The following IGSF21 variants were observed in gnomAD, a reference collection of about 807,000 sequenced individuals.
IGSF21 encodes immunoglobulin superfamily member 21.
A neutral mutation model predicts 46.8 loss-of-function variants in IGSF21; 28 were observed. That is an observed-to-expected ratio of 0.60 (90% CI 0.44 to 0.82). The LOEUF (loss-of-function observed/expected upper bound fraction) is 0.82, where lower values mean the gene tolerates loss of function less well. Ranked by LOEUF, IGSF21 falls within the 40% of genes least tolerant of loss-of-function variation. The pLI is 0.00. For missense variants in IGSF21, 624 were observed against 665.5 expected, an observed-to-expected ratio of 0.94 and a Z score of 0.69; for synonymous variants, 284 against 273.6, an observed-to-expected ratio of 1.04 and a Z score of -0.38.
intron 1 of IGSF21, among the ~76,000 whole-genome samples, chr1:18,209,162 A>G (rs970062124): frequency 9.9e-5 from 15 of 152,222 alleles, no homozygotes; most frequent in African/African-American, 3.1e-4. Context: ...TTATACCTAC[A>G]AAAAGGAATA....
At chr1:18,364,891 G>A (rs902370832) in intron 5 of IGSF21, among the ~76,000 whole-genome samples, 1 of 152,106 alleles carries the variant, frequency 6.6e-6, no homozygotes, top group Non-Finnish European at 1.5e-5. Context: ...TTTCCCATGT[G>A]GTTCCACTGA....
At chr1:18,271,992 G>A (rs964765676) in intron 2 of IGSF21, among the ~76,000 whole-genome samples, 10 of 151,712 alleles carry the variant, frequency 6.6e-5, no homozygotes, top group African/African-American at 1.5e-4. Flanking sequence ...TCATGCTGCC[G>A]ATAAAGACAT....
chr1:18,316,949 C>CA (rs1285559554), intron 3 of IGSF21, among the ~76,000 whole-genome samples: 3 of 152,134 alleles, frequency 2.0e-5, no homozygotes, highest in African/African-American at 7.2e-5. Flanking sequence ...TGCAAGTAGA[C>CA]AGAGTGGCTC....
chr1:18,328,552 C>T (rs575661823), intron 3 of IGSF21, among the ~76,000 whole-genome samples: 16 of 152,258 alleles, frequency 1.1e-4, no homozygotes, highest in South Asian at 1.0e-3. Context: ...ACACCACAAG[C>T]GGTGCATGGT....
intron 2 of IGSF21, among the ~76,000 whole-genome samples, chr1:18,233,722 T>C (rs111705730): frequency 7.9e-5 from 12 of 152,214 alleles, no homozygotes; most frequent in Non-Finnish European, 1.6e-4. Flanking sequence ...CACGGTTAGA[T>C]TCCTTGAATT....
In IGSF21 at chr1:18,227,983, G is replaced by T. The variant is rs747570981; in HGVS notation, c.156G>T (p.Gly52=). 1.9e-6 allele frequency: 3 copies of T among 1,613,962 alleles called. No individual in the cohort carries two copies. Among genetic ancestry groups the T allele is most frequent in the South Asian group, 1.1e-5 (1 of 91,076 alleles). ...TGAAGTGTAACTTCAAGACAGATGG[G>T]CGCATGCGGGAGATCGTGTGGTACC... ...VTLKCNFKTD[G]RMREIVWYRV... Residue 52 remains glycine (G), a synonymous_variant, in exon 2 of 10, where the codon GGG becomes GGT. Coordinates refer to ENST00000251296, the MANE Select transcript of IGSF21 (RefSeq NM_032880.5).
At chr1:18,200,664 C>T (rs1012874136) in intron 1 of IGSF21, among the ~76,000 whole-genome samples, 2 of 152,194 alleles carry the variant, frequency 1.3e-5, no homozygotes, top group Non-Finnish European at 2.9e-5. Context: ...ATTATGTCTG[C>T]AAAGACCCTA....
At chr1:18,244,807 A>AAATAAT (rs879434282) in intron 2 of IGSF21, among the ~76,000 whole-genome samples, 3 of 152,014 alleles carry the variant, frequency 2.0e-5, no homozygotes, top group Non-Finnish European at 4.4e-5. Context: ...TATTATCTGC[A>AAATAAT]AATAATAATA....
Position 18,301,013 on chromosome 1 carries a change from A to G in IGSF21, c.305+9026A>G, listed in dbSNP as rs137898446. ...GCCTCCGTAAAGATTTGTCGAATCA[A>G]TGGGCTGAAGGGTTGTATTCCAATG... On this transcript the variant is annotated intron_variant, in intron 3 of 9. Coordinates refer to ENST00000251296, the MANE Select transcript of IGSF21 (RefSeq NM_032880.5). Among the ~76,000 whole-genome samples, 584 of 152,354 alleles carry G rather than the reference A, an allele frequency of 3.8e-3. 2 individuals carry two copies. The highest frequency in any genetic ancestry group is 6.1e-3 in the Non-Finnish European group (418 of 68,028).
At chr1:18,367,603 C>CTCTTTTTTTTTT (rs1553167093) in intron 6 of IGSF21, among the ~76,000 whole-genome samples, 2 of 73,964 alleles carry the variant, frequency 2.7e-5, no homozygotes, top group Non-Finnish European at 5.1e-5. Context: ...CTCTCTCTCT[C>CTCTTTTTTTTTT]TTTTTTTTTT....
intron 2 of IGSF21, among the ~76,000 whole-genome samples, chr1:18,276,229 C>T (rs1186524460): frequency 6.6e-6 from 1 of 152,132 alleles, no homozygotes; most frequent in Non-Finnish European, 1.5e-5. Flanking sequence ...AATTCTAATG[C>T]TTCCCCTGGT....
chr1:18,180,532 T>C (rs555520942), intron 1 of IGSF21, among the ~76,000 whole-genome samples: 1 of 152,204 alleles, frequency 6.6e-6, no homozygotes, highest in Admixed American at 6.5e-5. Flanking sequence ...TGTAGACAGG[T>C]CCAAGGTTTG....
At chr1:18,222,795 G>A (rs1335654538) in intron 1 of IGSF21, among the ~76,000 whole-genome samples, 5 of 152,150 alleles carry the variant, frequency 3.3e-5, no homozygotes, top group Admixed American at 2.6e-4. Flanking sequence ...GATCAGGGCT[G>A]GGGGAATATT....
chr1:18,216,343 A>G (rs951887743), intron 1 of IGSF21, among the ~76,000 whole-genome samples: 3 of 152,212 alleles, frequency 2.0e-5, no homozygotes, highest in African/African-American at 7.2e-5. Context: ...GCAAGCTCAT[A>G]AGGGACTCAG....
intron 1 of IGSF21, among the ~76,000 whole-genome samples, chr1:18,203,399 T>C (rs2087096249): frequency 6.6e-6 from 1 of 152,148 alleles, no homozygotes; most frequent in Non-Finnish European, 1.5e-5. Context: ...GCCACCGCCA[T>C]CCAGGTTCAA....
intron 1 of IGSF21, among the ~76,000 whole-genome samples, chr1:18,183,711 C>G (rs1570312372): frequency 6.6e-6 from 1 of 152,122 alleles, no homozygotes; most frequent in Admixed American, 6.5e-5. Flanking sequence ...AGCTGCTGGT[C>G]CAGCTGGGCT....
At chr1:18,233,043 C>T (rs577550799) in intron 2 of IGSF21, among the ~76,000 whole-genome samples, 1 of 152,342 alleles carries the variant, frequency 6.6e-6, no homozygotes, top group South Asian at 2.1e-4. Context: ...CATGGAACTC[C>T]ATTAAACAGC....
Position 18,328,537 on chromosome 1 carries a change from A to G in IGSF21, c.306-6355A>G, listed in dbSNP as rs557312446. Among the ~76,000 whole-genome samples the G allele has an allele frequency of 8.5e-5, 13 of 152,244 alleles. 1 individual carries two copies. In the South Asian group the frequency reaches 2.7e-3, roughly 32 times the overall value. ...TTGTCTGTCTTGTTCCCTTATATAT[A>G]CTCAACACCACAAGCGGTGCATGGT... On this transcript the variant is annotated intron_variant, in intron 3 of 9. Transcript: ENST00000251296.
At chr1:18,285,184 CTTTTCT>C (rs2124559655) in intron 2 of IGSF21, among the ~76,000 whole-genome samples, 1 of 74,990 alleles carries the variant, frequency 1.3e-5, no homozygotes, top group South Asian at 7.8e-4. Context: ...ATATTTTCCC[CTTTTCT>C]TTTTTTTTTT....
Sources: gnomAD v4.1 joint callset for allele counts (sites outside exome capture counted in the v4.1 genomes callset) on GRCh38, gnomAD v4.1.1 for gene constraint, MANE v1.5 for transcripts, NCBI Gene and HGNC (gene_info 2026-07-23, HGNC 2026-07-21) for gene names.